Variants in HLCS observed in about 807,000 individuals in gnomAD.
HLCS encodes the protein biotin--protein ligase.
A neutral mutation model predicts 75.0 loss-of-function variants in HLCS; 53 were observed. The observed-to-expected ratio is 0.71, with a 90% CI of 0.57 to 0.89. The LOEUF is 0.89. Among genes scored for constraint, HLCS ranks in the 40% least tolerant of loss-of-function variants. The pLI is 0.00. For missense variants in HLCS, 966 were observed against 1,074.0 expected, an observed-to-expected ratio of 0.90 and a Z score of 1.41; for synonymous variants, 431 against 428.6, an observed-to-expected ratio of 1.01 and a Z score of -0.07.
At chr21:36,915,412 G>A (rs561579315) in intron 5 of HLCS, among the ~76,000 whole-genome samples, 2 of 152,330 alleles carry the variant, frequency 1.3e-5, no homozygotes, top group East Asian at 3.9e-4. Flanking sequence ...TTCTGCTCCA[G>A]GACCTTATCT....
In HLCS at chr21:36,954,993, G is replaced by A. The variant is rs115645456; in HGVS notation, c.330+7043C>T. Among the ~76,000 whole-genome samples the A allele has an allele frequency of 7.5e-3, 1,137 of 152,216 alleles. 16 individuals are homozygous for A. The highest frequency in any genetic ancestry group is 0.025 in the African/African-American group (1,052 of 41,514). ...AGGAGAATTGCTGGAACCTGGGGCCGGAGGTTGCAATGAGCCAAGATAGTG... is the reference window on the plus strand; with the variant it reads ...AGGAGAATTGCTGGAACCTGGGGCCAGAGGTTGCAATGAGCCAAGATAGTG... On this transcript the variant is annotated intron_variant, in intron 2 of 10. Coordinates refer to ENST00000674895, the MANE Select transcript of HLCS (RefSeq NM_001352514.2).
Position 36,936,698 on chromosome 21 carries a change from G to A in HLCS, c.1188C>T (p.Ser396=), listed in dbSNP as rs1188065092. The change falls in exon 4 of 11, where the codon TCC becomes TCT. Residue 396 remains serine, a synonymous_variant. Coordinates refer to ENST00000674895, the MANE Select transcript of HLCS (RefSeq NM_001352514.2). ...TCACCTGAAAGCCACCAAAGGTGAA[G>A]GATGAAGACAGGCCCAACACCTTCC... is the stretch of plus-strand genomic sequence containing the variant. ...QGGKVLGLSS[S]FTFGGFQVTS... is the part of the protein sequence containing the mutation. The A allele has an allele frequency of 1.9e-6, 3 of 1,614,088 alleles. No homozygotes were observed. The highest frequency in any genetic ancestry group is 2.7e-5 in the African/African-American group (2 of 74,928).
intron 2 of HLCS, among the ~76,000 whole-genome samples, chr21:36,940,646 C>G (rs909967112): frequency 1.3e-5 from 2 of 152,204 alleles, no homozygotes; most frequent in African/African-American, 4.8e-5. Flanking sequence ...AATCCTGAAC[C>G]TACAGAGGAA....
chr21:36,978,388 G>A (rs546436212), intron 1 of HLCS, among the ~76,000 whole-genome samples: 6 of 152,148 alleles, frequency 3.9e-5, no homozygotes, highest in Admixed American at 3.9e-4. Context: ...CAGCTGCTCA[G>A]GAGGCTGAGG....
At chr21:36,828,866 A>G (rs939315257) in intron 6 of HLCS, among the ~76,000 whole-genome samples, 1 of 152,232 alleles carries the variant, frequency 6.6e-6, no homozygotes, top group Admixed American at 6.5e-5. Context: ...AATAATAAAT[A>G]AAACATCCAT....
chr21:36,811,356 A>G (rs906129744), intron 6 of HLCS, among the ~76,000 whole-genome samples: 29 of 152,202 alleles, frequency 1.9e-4, no homozygotes, highest in Admixed American at 1.6e-3. Context: ...ATCATGAACA[A>G]TATATATCAC....
chr21:36,862,620 T>G (rs1269684975), intron 6 of HLCS, among the ~76,000 whole-genome samples: 1 of 152,242 alleles, frequency 6.6e-6, no homozygotes, highest in African/African-American at 2.4e-5. Flanking sequence ...CTTTCGAATT[T>G]CACATTTTGA....
chr21:36,769,610 C>T (rs1167814722), intron 6 of HLCS, among the ~76,000 whole-genome samples: 1 of 152,204 alleles, frequency 6.6e-6, no homozygotes, highest in Non-Finnish European at 1.5e-5. Context: ...CAGCCGAGTG[C>T]ATTCACTGTG....
intron 6 of HLCS, among the ~76,000 whole-genome samples, chr21:36,816,284 T>C (rs2061660779): frequency 1.3e-5 from 2 of 151,918 alleles, no homozygotes; most frequent in East Asian, 3.9e-4. Flanking sequence ...TAGTCCCAGC[T>C]CCTCAGGAGG....
intron 5 of HLCS, among the ~76,000 whole-genome samples, chr21:36,906,049 C>CAAA (rs71328521): frequency 0.046 from 4,222 of 91,792 alleles, 236 homozygotes; most frequent in Middle Eastern, 0.11. Context: ...GACTCCATCT[C>CAAA]AAAAAAAAAA....
intron 6 of HLCS, among the ~76,000 whole-genome samples, chr21:36,833,615 T>C (rs1009419512): frequency 1.6e-5 from 2 of 127,632 alleles, no homozygotes; most frequent in African/African-American, 3.3e-5. Flanking sequence ...ATATATATAT[T>C]TGATTTGGAC....
chr21:36,770,541 TTTTTC>T (rs1429233584), intron 6 of HLCS, among the ~76,000 whole-genome samples: 2 of 152,190 alleles, frequency 1.3e-5, no homozygotes, highest in Admixed American at 6.5e-5. Flanking sequence ...ATTAAGATTT[TTTTTC>T]TTTTATTTTA....
At chr21:36,845,526 C>A (rs76031744) in intron 6 of HLCS, among the ~76,000 whole-genome samples, 3,836 of 152,244 alleles carry the variant, frequency 0.025, 59 homozygotes, top group South Asian at 0.047. Flanking sequence ...AACTGAAATT[C>A]TCATGGTATG....
At chr21:36,869,125 T>A (rs559593971) in intron 6 of HLCS, among the ~76,000 whole-genome samples, 19,953 of 151,304 alleles carry the variant, frequency 0.13, 1,615 homozygotes, top group Non-Finnish European at 0.18. Flanking sequence ...TTTATTTATT[T>A]ATTTATTTAT....
intron 1 of HLCS, among the ~76,000 whole-genome samples, chr21:36,989,180 TTTC>T (rs1229026818): frequency 1.3e-5 from 2 of 150,738 alleles, no homozygotes; most frequent in Non-Finnish European, 3.0e-5. Flanking sequence ...GAAACGAACT[TTTC>T]TTATTTTTTG....
intron 6 of HLCS, among the ~76,000 whole-genome samples, chr21:36,832,527 C>T (rs2062248345): frequency 6.6e-6 from 1 of 152,210 alleles, no homozygotes; most frequent in Admixed American, 6.5e-5. Context: ...ATGCCAGACA[C>T]AGTTCTGTTC....
chr21:36,878,945 T>A (rs981566518), intron 6 of HLCS, among the ~76,000 whole-genome samples: 1 of 151,862 alleles, frequency 6.6e-6, no homozygotes, highest in Non-Finnish European at 1.5e-5. Flanking sequence ...GCATTTAAAC[T>A]CTCTAAGCTA....
At chr21:36,979,507 C>T (rs147328614) in intron 1 of HLCS, among the ~76,000 whole-genome samples, 16 of 152,292 alleles carry the variant, frequency 1.1e-4, no homozygotes, top group South Asian at 4.1e-4. Context: ...TCCCATGAAG[C>T]TGCCATGCCC....
chr21:36,882,516 C>T (rs1324501105), intron 6 of HLCS, among the ~76,000 whole-genome samples: 1 of 151,936 alleles, frequency 6.6e-6, no homozygotes, highest in African/African-American at 2.4e-5. Context: ...TCTCAGCTCA[C>T]TGCAACCTCC....
Sources: gnomAD v4.1 joint callset for allele counts (sites outside exome capture counted in the v4.1 genomes callset) on GRCh38, gnomAD v4.1.1 for gene constraint, MANE v1.5 for transcripts, NCBI Gene and HGNC (gene_info 2026-07-23, HGNC 2026-07-21) for gene names.